The following C12orf54 variants were observed in gnomAD, a reference collection of about 807,000 sequenced individuals.
The protein encoded by C12orf54 is chromosome 12 open reading frame 54, also known as uncharacterized protein C12orf54.
A neutral mutation model predicts 26.4 loss-of-function variants in C12orf54; 24 were observed. That is an observed-to-expected ratio of 0.91 (90% CI 0.66 to 1.28). The LOEUF (loss-of-function observed/expected upper bound fraction) is 1.28. C12orf54 is among the 50% of genes most tolerant of loss of function. The pLI is 0.00. For synonymous variants in C12orf54, 54 were observed against 47.0 expected, an observed-to-expected ratio of 1.15 and a Z score of -0.61; for missense variants, 154 against 150.9, an observed-to-expected ratio of 1.02 and a Z score of -0.11.
At position 48,494,809 on chromosome 12, in the gene C12orf54, C is replaced by T. The variant is rs553934797; in HGVS notation, c.254C>T (p.Pro85Leu). 6 of 1,613,852 alleles carry T rather than the reference C, an allele frequency of 3.7e-6. No individual in the cohort carries two copies. In the South Asian group the frequency reaches 6.6e-5, roughly 18 times the overall value. ...TSAPRTGSIR[P>L]PDSLMTPKLR... ...CTATTTTGGCACAGAAGCATAAGGC[C>T]TCCAGATTCCTTGATGACCCCAAAG... is the stretch of plus-strand genomic sequence containing the variant. The change falls in exon 8 of 9, where the codon CCT becomes CTT. Residue 85 changes from proline (P) to leucine (L), a missense_variant. By Grantham distance (98) the Pro-to-Leu change is moderately conservative. Transcript: ENST00000548364.
the C12orf54 span, among the ~76,000 whole-genome samples, chr12:48,451,417 C>G: frequency 6.6e-6 from 1 of 152,124 alleles, no homozygotes; most frequent in African/African-American, 2.4e-5. Context: ...GCATTCTCCC[C>G]TTGAAAACCA....
chr12:48,478,300 G>A (rs569898309), upstream of C12orf54, among the ~76,000 whole-genome samples: 32 of 152,140 alleles, frequency 2.1e-4, no homozygotes, highest in African/African-American at 4.8e-4. Flanking sequence ...CATACTGAAC[G>A]GGCAAAAACT....
At chr12:48,473,218 T>A in the C12orf54 span, 1 of 1,225,314 alleles carries the variant, frequency 8.2e-7, no homozygotes, top group Middle Eastern at 1.9e-4. Flanking sequence ...GATGCTCAGG[T>A]AATGGAAGAT....
chr12:48,483,439 TC>T, intron 2 of C12orf54, 78 bp downstream of exon 2: 2 of 1,367,450 alleles, frequency 1.5e-6, no homozygotes, highest in East Asian at 4.7e-5. Flanking sequence ...CCTCCTGTCT[TC>T]TATGGCTCTT....
the C12orf54 span, among the ~76,000 whole-genome samples, chr12:48,425,387 T>C: frequency 2.5e-4 from 38 of 152,222 alleles, no homozygotes; most frequent in African/African-American, 9.1e-4. Flanking sequence ...TCCATCCACG[T>C]TCCCACAAAG....
intron 2 of C12orf54, among the ~76,000 whole-genome samples, chr12:48,485,277 T>G (rs989657138): frequency 7.9e-5 from 11 of 139,402 alleles, no homozygotes; most frequent in African/African-American, 2.8e-4. Context: ...TTTTGTTTGT[T>G]GTTGGTTTTG....
the C12orf54 span, among the ~76,000 whole-genome samples, chr12:48,421,731 T>C: frequency 1.3e-5 from 2 of 152,030 alleles, no homozygotes. Context: ...GGTTTCACCA[T>C]GTTGGCCAGG....
the C12orf54 span, among the ~76,000 whole-genome samples, chr12:48,421,293 T>C: frequency 6.6e-6 from 1 of 152,038 alleles, no homozygotes; most frequent in African/African-American, 2.4e-5. Context: ...GTGTCTTACA[T>C]GGAAGGAGCA....
the C12orf54 span, among the ~76,000 whole-genome samples, chr12:48,468,144 T>C: frequency 1.3e-5 from 2 of 152,186 alleles, no homozygotes; most frequent in Non-Finnish European, 2.9e-5. Flanking sequence ...CAAACAAAAC[T>C]ATTAGGTATT....
chr12:48,452,517 G>GA, the C12orf54 span, among the ~76,000 whole-genome samples: 19 of 151,870 alleles, frequency 1.3e-4, no homozygotes, highest in Admixed American at 3.3e-4. Context: ...CTTCTGCACA[G>GA]AAAAAAACAC....
chr12:48,472,152 A>C, the C12orf54 span, among the ~76,000 whole-genome samples: 1 of 152,168 alleles, frequency 6.6e-6, no homozygotes, highest in Non-Finnish European at 1.5e-5. Context: ...CTTGAATACT[A>C]TTGGTGTATA....
At chr12:48,472,630 CT>C in the C12orf54 span, 1 of 1,611,592 alleles carries the variant, frequency 6.2e-7, no homozygotes, top group Non-Finnish European at 8.5e-7. Context: ...TTGAATTCCG[CT>C]GGCTCAGGAG....
At chr12:48,465,220 AAAAC>A in the C12orf54 span, among the ~76,000 whole-genome samples, 64 of 152,264 alleles carry the variant, frequency 4.2e-4, no homozygotes, top group South Asian at 0.012. Flanking sequence ...AATTTACAAG[AAAAC>A]AAACAATCCC....
At chr12:48,441,011 G>A in the C12orf54 span, among the ~76,000 whole-genome samples, 1 of 152,250 alleles carries the variant, frequency 6.6e-6, no homozygotes, top group African/African-American at 2.4e-5. Context: ...AGTCCCATTG[G>A]TTCCAAATTC....
the C12orf54 span, among the ~76,000 whole-genome samples, chr12:48,464,987 A>G: frequency 6.6e-6 from 1 of 152,070 alleles, no homozygotes; most frequent in Non-Finnish European, 1.5e-5. Context: ...ACACAATACC[A>G]TTCTGGACAT....
chr12:48,464,728 A>G, the C12orf54 span, among the ~76,000 whole-genome samples: 1 of 152,238 alleles, frequency 6.6e-6, no homozygotes, highest in South Asian at 2.1e-4. Flanking sequence ...AGACACATAA[A>G]CCAATAGAAC....
the C12orf54 span, among the ~76,000 whole-genome samples, chr12:48,449,404 A>T: frequency 6.6e-6 from 1 of 152,312 alleles, no homozygotes; most frequent in African/African-American, 2.4e-5. Flanking sequence ...GTCACATAAT[A>T]TTACTCCAGA....
the C12orf54 span, among the ~76,000 whole-genome samples, chr12:48,422,355 G>A: frequency 6.6e-6 from 1 of 152,228 alleles, no homozygotes; most frequent in African/African-American, 2.4e-5. Flanking sequence ...AGTTGCTACA[G>A]TTTCTGCTTA....
chr12:48,417,594 C>T, the C12orf54 span, among the ~76,000 whole-genome samples: 7,692 of 152,138 alleles, frequency 0.051, 666 homozygotes, highest in African/African-American at 0.17. Flanking sequence ...TTTCAGCTTT[C>T]GTTTTAGATT....
Sources: allele counts gnomAD v4.1 joint callset (sites outside exome capture counted in the v4.1 genomes callset), GRCh38; gene constraint gnomAD v4.1.1; transcripts MANE v1.5; gene names NCBI Gene and HGNC (gene_info 2026-07-23, HGNC 2026-07-21).